ABHD3: variants seen among roughly 807,000 people sequenced by gnomAD.
ABHD3 encodes the protein abhydrolase domain containing 3, phospholipase.
In ABHD3, 46 loss-of-function variants were observed where a neutral mutation model predicts 48.8. The observed-to-expected ratio is 0.94, with a 90% confidence interval of 0.74 to 1.20. ABHD3 has a LOEUF of 1.20. Among genes scored for constraint, ABHD3 ranks in the 50% most tolerant of loss-of-function variants. The pLI is 0.00. For synonymous variants in ABHD3, 192 were observed against 183.7 expected (o/e 1.04, Z -0.36); for missense variants, 490 against 497.8 (o/e 0.98, Z 0.15).
At chr18:21,704,476 C>G in intron 1 of ABHD3, 28 bp downstream of exon 1, 1 of 1,360,814 alleles carries the variant, frequency 7.3e-7, no homozygotes, top group Non-Finnish European at 9.6e-7. Flanking sequence ...GCCCAGCAGC[C>G]CGCGGCCCTG....
At position 21,656,874 on chromosome 18, in the gene ABHD3, G is replaced by GA. The variant is rs1194551094; in HGVS notation, c.1043dup (p.Ser349LeufsTer12). 2 of 1,597,188 alleles carry GA rather than the reference G, an allele frequency of 1.3e-6. No individual in the cohort carries two copies. Among genetic ancestry groups the GA allele is most frequent in the Non-Finnish European group, 1.7e-6 (2 of 1,168,774 alleles). Reference sequence around the variant, plus strand: ...TGTTAATTTTACCATGACTGGGTGAGAAAACATCATCCACAGAATTTAGAC... The same window carrying GA: ...TGTTAATTTTACCATGACTGGGTGAGAAAAACATCATCCACAGAATTTAGAC... On this transcript the variant is annotated frameshift_variant, in exon 8 of 9. Transcript: ENST00000289119. LOFTEE classifies it high-confidence loss of function.
chr18:21,685,054 T>G (rs2040101234), intron 3 of ABHD3, among the ~76,000 whole-genome samples: 1 of 152,218 alleles, frequency 6.6e-6, no homozygotes, highest in Admixed American at 6.5e-5. Context: ...TAACTCTCAT[T>G]TAACTTTCAG....
chr18:21,651,599 GTTCA>G lies in ABHD3; in HGVS notation c.1218_1221del (p.Glu407SerfsTer5). ...ACCCAAAGAACTACATGTTAAGAGAGTTCATGTCCATGCTCAACCATGGCTTGCA... is the reference window on the plus strand; with the variant it reads ...ACCCAAAGAACTACATGTTAAGAGAGTGTCCATGCTCAACCATGGCTTGCA... On this transcript the variant is annotated frameshift_variant, in exon 9 of 9. Coordinates refer to ENST00000289119, the MANE Select transcript of ABHD3 (RefSeq NM_138340.5). LOFTEE classifies it high-confidence loss of function. The G allele has an allele frequency of 6.2e-7, 1 of 1,614,100 alleles. No individual in the cohort carries two copies. Among genetic ancestry groups the G allele is most frequent in the Non-Finnish European group, 8.5e-7 (1 of 1,179,998 alleles).
chr18:21,692,403 C>T (rs745707740), intron 3 of ABHD3, among the ~76,000 whole-genome samples: 3 of 152,054 alleles, frequency 2.0e-5, no homozygotes, highest in Non-Finnish European at 2.9e-5. Context: ...ATATATAATG[C>T]CTGGCATGGG....
At chr18:21,704,422 C>T (rs1365398318) in intron 1 of ABHD3, 82 bp downstream of exon 1, 4 of 1,238,192 alleles carry the variant, frequency 3.2e-6, no homozygotes, top group Non-Finnish European at 4.1e-6. Context: ...GCCGACCGCC[C>T]CTGGCCGCGC....
At chr18:21,688,856 G>A (rs2040183119) in intron 3 of ABHD3, among the ~76,000 whole-genome samples, 1 of 152,172 alleles carries the variant, frequency 6.6e-6, no homozygotes, top group Non-Finnish European at 1.5e-5. Context: ...TGTATTAAAT[G>A]TTCTAAGGGA....
chr18:21,663,794 G>T, intron 5 of ABHD3: 1 of 1,534,150 alleles, frequency 6.5e-7, no homozygotes, highest in Non-Finnish European at 8.7e-7. Context: ...CAGCTCCAGG[G>T]ATGGCTGGGA....
At chr18:21,675,414 G>C (rs1369452512) in intron 4 of ABHD3, among the ~76,000 whole-genome samples, 2 of 151,768 alleles carry the variant, frequency 1.3e-5, no homozygotes, top group South Asian at 4.2e-4. Flanking sequence ...GACTACAGGC[G>C]CCTGTTGCCA....
intron 5 of ABHD3, chr18:21,662,522 T>A (rs1334214363): frequency 6.6e-6 from 1 of 151,752 alleles, no homozygotes; most frequent in African/African-American, 2.4e-5. Context: ...GATCCATGAG[T>A]TGCTGGCACT....
chr18:21,701,070 G>A (rs943182688), intron 3 of ABHD3, among the ~76,000 whole-genome samples: 2 of 150,984 alleles, frequency 1.3e-5, no homozygotes, highest in Admixed American at 6.6e-5. Context: ...TATAATTCTT[G>A]AACATCATAG....
intron 5 of ABHD3, among the ~76,000 whole-genome samples, chr18:21,661,561 G>A (rs2039498758): frequency 6.6e-6 from 1 of 151,920 alleles, no homozygotes; most frequent in Non-Finnish European, 1.5e-5. Flanking sequence ...AACCCAGGAG[G>A]CAAAGGTTGC....
intron 3 of ABHD3, among the ~76,000 whole-genome samples, chr18:21,686,380 A>G (rs1185378057): frequency 1.3e-5 from 2 of 152,234 alleles, no homozygotes; most frequent in Non-Finnish European, 2.9e-5. Context: ...TTTAGAGTAC[A>G]AACATTAAAT....
chr18:21,668,012 C>G (rs2039673697), intron 4 of ABHD3, among the ~76,000 whole-genome samples: 1 of 151,344 alleles, frequency 6.6e-6, no homozygotes, highest in African/African-American at 2.4e-5. Flanking sequence ...ACCAGCCTGA[C>G]CAACATGGTG....
chr18:21,701,042 C>T (rs1024606376), intron 3 of ABHD3, among the ~76,000 whole-genome samples: 6 of 150,852 alleles, frequency 4.0e-5, no homozygotes, highest in African/African-American at 1.5e-4. Context: ...CCTGCTACTG[C>T]TAAGCAAATT....
chr18:21,666,184 C>T (rs1196324843), intron 4 of ABHD3, among the ~76,000 whole-genome samples: 1 of 151,904 alleles, frequency 6.6e-6, no homozygotes, highest in Non-Finnish European at 1.5e-5. Context: ...CAGGTGTGCA[C>T]CAGCTAATCT....
Position 21,704,544 on chromosome 18 carries a change from C to G in ABHD3, c.122G>C (p.Ser41Thr). The G allele has an allele frequency of 6.6e-7, 1 of 1,518,444 alleles. No individual in the cohort carries two copies. Among genetic ancestry groups the G allele is most frequent in the Non-Finnish European group, 8.8e-7 (1 of 1,133,660 alleles). 94.1% of individuals were successfully genotyped at this position (1,518,444 alleles called of 1,614,324 possible). Residue 41 changes from serine to threonine, a missense_variant, in exon 1 of 9, where the codon AGC (serine) becomes ACC (threonine). Ser to Thr is a moderately conservative substitution (Grantham distance 58). Coordinates refer to ENST00000289119, the MANE Select transcript of ABHD3 (RefSeq NM_138340.5). ...GVGLSLILGF[S>T]VAYAFYYLSS... ...CAGGTAGTAGAAGGCATAAGCGACGCTGAAGCCCAGGATAAGGGATAAGCC... is the reference window on the plus strand; with the variant it reads ...CAGGTAGTAGAAGGCATAAGCGACGGTGAAGCCCAGGATAAGGGATAAGCC...
intron 4 of ABHD3, among the ~76,000 whole-genome samples, chr18:21,666,309 TCA>T (rs2039626017): frequency 6.6e-6 from 1 of 152,194 alleles, no homozygotes; most frequent in Admixed American, 6.5e-5. Flanking sequence ...TTCTCCTGCC[TCA>T]GTCTCCTGAG....
intron 3 of ABHD3, among the ~76,000 whole-genome samples, chr18:21,690,892 G>C (rs1002452466): frequency 6.6e-6 from 1 of 151,538 alleles, no homozygotes; most frequent in African/African-American, 2.4e-5. Context: ...CTACTTGGGA[G>C]GCTGAGGCAG....
At chr18:21,683,390 G>A in intron 4 of ABHD3, 1 of 280,270 alleles carries the variant, frequency 3.6e-6, no homozygotes, top group South Asian at 3.1e-5. Flanking sequence ...AACTTCAGCT[G>A]GCAAACAGGC....
Sources: gnomAD v4.1 joint callset for allele counts (sites outside exome capture counted in the v4.1 genomes callset) on GRCh38, gnomAD v4.1.1 for gene constraint, MANE v1.5 for transcripts, NCBI Gene and HGNC (gene_info 2026-07-23, HGNC 2026-07-21) for gene names.